The following HS3ST5 variants were observed in gnomAD, a reference collection of about 807,000 sequenced individuals.
HS3ST5 encodes the protein heparan sulfate glucosamine 3-O-sulfotransferase 5.
HS3ST5 carries 10 observed loss-of-function variants against 25.4 expected under a neutral mutation model. The ratio of observed to expected loss-of-function variants is 0.39; its 90% confidence interval spans 0.24 to 0.67. HS3ST5 has a LOEUF of 0.67. Among genes scored for constraint, HS3ST5 ranks in the 30% least tolerant of loss-of-function variants. The pLI is 0.44. For synonymous variants in HS3ST5, 170 were observed against 162.4 expected, an observed-to-expected ratio of 1.05 and a Z score of -0.36; for missense variants, 324 against 420.7, an observed-to-expected ratio of 0.77 and a Z score of 2.01.
chr6:114,284,657 G>A (rs2114752139), intron 1 of HS3ST5, among the ~76,000 whole-genome samples: 1 of 150,426 alleles, frequency 6.6e-6, no homozygotes, highest in East Asian at 2.0e-4. Context: ...TATTTATATT[G>A]TTTTCCATAA....
intron 2 of HS3ST5, among the ~76,000 whole-genome samples, chr6:114,197,044 C>A (rs1472912396): frequency 6.6e-6 from 1 of 151,958 alleles, no homozygotes; most frequent in Non-Finnish European, 1.5e-5. Flanking sequence ...GGGCTCCAAC[C>A]AGTTGGTCAA....
intron 3 of HS3ST5, among the ~76,000 whole-genome samples, chr6:114,123,760 TC>T (rs1776907328): frequency 6.6e-6 from 1 of 152,228 alleles, no homozygotes; most frequent in African/African-American, 2.4e-5. Flanking sequence ...GAACACATAC[TC>T]ACTTGCAAGT....
chr6:114,291,567 AG>A (rs1008758120), intron 1 of HS3ST5, among the ~76,000 whole-genome samples: 11 of 152,178 alleles, frequency 7.2e-5, no homozygotes, highest in Non-Finnish European at 1.6e-4. Context: ...GATGGCAGAG[AG>A]TGATTTCTGC....
intron 3 of HS3ST5, among the ~76,000 whole-genome samples, chr6:114,113,598 C>G (rs1261079449): frequency 6.6e-6 from 1 of 151,848 alleles, no homozygotes; most frequent in Non-Finnish European, 1.5e-5. Context: ...TAATGCTAGC[C>G]AAGCAAGCCT....
At chr6:114,192,004 AAC>A (rs1780528323) in intron 2 of HS3ST5, among the ~76,000 whole-genome samples, 1 of 152,268 alleles carries the variant, frequency 6.6e-6, no homozygotes, top group Non-Finnish European at 1.5e-5. Flanking sequence ...ATTTTATAGA[AAC>A]AGTTATCTGT....
chr6:114,166,831 T>G (rs1582672670), intron 3 of HS3ST5, among the ~76,000 whole-genome samples: 1 of 152,076 alleles, frequency 6.6e-6, no homozygotes, highest in East Asian at 1.9e-4. Context: ...TGAGTCAGAC[T>G]GAAAAAAAGT....
At chr6:114,065,367 C>T (rs1406826799) in intron 3 of HS3ST5, among the ~76,000 whole-genome samples, 1 of 152,160 alleles carries the variant, frequency 6.6e-6, no homozygotes, top group African/African-American at 2.4e-5. Flanking sequence ...GTTAGACCTG[C>T]GTGCTTTGGG....
At chr6:114,292,803 T>C (rs1297678814) in intron 1 of HS3ST5, among the ~76,000 whole-genome samples, 2 of 152,214 alleles carry the variant, frequency 1.3e-5, no homozygotes, top group African/African-American at 2.4e-5. Flanking sequence ...GCATATAACC[T>C]ACCAATATCC....
chr6:114,167,382 C>T (rs1779268821), intron 3 of HS3ST5: 1 of 152,094 alleles, frequency 6.6e-6, no homozygotes, highest in Non-Finnish European at 1.5e-5. Context: ...ACTGTAGACA[C>T]AGTAGTAAGT....
rs1365898348 is a variant in HS3ST5 at position 114,098,550 on chromosome 6, T to TTC, written c.-32-35674_-32-35673insGA. Among the ~76,000 whole-genome samples the TTC allele has an allele frequency of 2.7e-5, 4 of 148,326 alleles. No homozygotes were observed. In the Admixed American group the frequency reaches 2.7e-4, roughly 10 times the overall value. On this transcript the variant is annotated intron_variant, in intron 3 of 4. Coordinates refer to ENST00000312719, the MANE Select transcript of HS3ST5 (RefSeq NM_153612.4). ...ACTATCAAATATATATTTTAATATA[T>TTC]AATATTAAATTATATATTTGAAAAT...
chr6:114,181,175 G>T (rs1779951547), intron 2 of HS3ST5, among the ~76,000 whole-genome samples: 1 of 152,190 alleles, frequency 6.6e-6, no homozygotes, highest in Non-Finnish European at 1.5e-5. Flanking sequence ...CACATTATCA[G>T]AGTTAGCATT....
chr6:114,273,602 C>T (rs571060210), intron 1 of HS3ST5, among the ~76,000 whole-genome samples: 2 of 151,994 alleles, frequency 1.3e-5, no homozygotes, highest in South Asian at 2.1e-4. Flanking sequence ...AAGAGCAGCC[C>T]GTTAGGAAAG....
chr6:114,292,217 C>T (rs1053926641), intron 1 of HS3ST5, among the ~76,000 whole-genome samples: 44 of 152,120 alleles, frequency 2.9e-4, no homozygotes, highest in African/African-American at 1.0e-3. Context: ...GAATCTCAGA[C>T]TGGGTAATTT....
At chr6:114,186,254 A>G (rs1562230249) in intron 2 of HS3ST5, among the ~76,000 whole-genome samples, 1 of 152,154 alleles carries the variant, frequency 6.6e-6, no homozygotes, top group Non-Finnish European at 1.5e-5. Context: ...TCAAAAGCCA[A>G]GAGAGGTCAA....
chr6:114,090,579 C>G (rs1775071336), intron 3 of HS3ST5, among the ~76,000 whole-genome samples: 1 of 152,188 alleles, frequency 6.6e-6, no homozygotes, highest in African/African-American at 2.4e-5. Context: ...TATGTTCCAG[C>G]TTTTCAGTTT....
intron 3 of HS3ST5, among the ~76,000 whole-genome samples, chr6:114,152,645 T>C (rs886266345): frequency 1.3e-5 from 2 of 152,090 alleles, no homozygotes; most frequent in Non-Finnish European, 2.9e-5. Flanking sequence ...GAGGCTAAAG[T>C]GGATTTTGCT....
chr6:114,146,725 C>T (rs748634945), intron 3 of HS3ST5, among the ~76,000 whole-genome samples: 1 of 152,090 alleles, frequency 6.6e-6, no homozygotes, highest in Admixed American at 6.6e-5. Context: ...TGCGTCTTTG[C>T]AATATTTGAT....
At chr6:114,168,648 A>C (rs1271216046) in intron 2 of HS3ST5, among the ~76,000 whole-genome samples, 186 bp from the exon 3 acceptor site, 1 of 152,156 alleles carries the variant, frequency 6.6e-6, no homozygotes, top group African/African-American at 2.4e-5. Flanking sequence ...AACAATTTGC[A>C]GGGGAAGAGC....
intron 1 of HS3ST5, among the ~76,000 whole-genome samples, chr6:114,311,828 C>T (rs1161605301): frequency 6.6e-6 from 1 of 152,128 alleles, no homozygotes; most frequent in Non-Finnish European, 1.5e-5. Context: ...CAGGCGTGAG[C>T]CACCGTGCCC....
Sources: gnomAD v4.1 joint callset for allele counts (sites outside exome capture counted in the v4.1 genomes callset) on GRCh38, gnomAD v4.1.1 for gene constraint, MANE v1.5 for transcripts, NCBI Gene and HGNC (gene_info 2026-07-23, HGNC 2026-07-21) for gene names.